Variants in CADPS2 observed in about 807,000 individuals in gnomAD.
CADPS2 encodes calcium dependent secretion activator 2.
CADPS2 carries 93 observed loss-of-function variants against 172.5 expected under a neutral mutation model. The ratio of observed to expected loss-of-function variants is 0.54; its 90% CI spans 0.46 to 0.64. The LOEUF (loss-of-function observed/expected upper bound fraction) is 0.64. Among genes scored for constraint, CADPS2 ranks in the 30% least tolerant of loss-of-function variants. The probability of loss-of-function intolerance (pLI) is 0.00; values close to 1 mark genes in which losing one functional copy is unlikely to be tolerated. For missense variants in CADPS2, 1,420 were observed against 1,565.9 expected, an observed-to-expected ratio of 0.91 and a Z score of 1.57; for synonymous variants, 546 against 555.2, an observed-to-expected ratio of 0.98 and a Z score of 0.23.
intron 28 of CADPS2, among the ~76,000 whole-genome samples, chr7:122,338,195 G>A (rs775492118): frequency 1.3e-5 from 2 of 152,110 alleles, no homozygotes; most frequent in Non-Finnish European, 2.9e-5. Context: ...TCAGGAGCTC[G>A]AGACCACCCT....
intron 19 of CADPS2, among the ~76,000 whole-genome samples, chr7:122,409,306 T>G (rs557144785): frequency 1.3e-5 from 2 of 152,340 alleles, no homozygotes; most frequent in Non-Finnish European, 2.9e-5. Flanking sequence ...AAAATCTCAC[T>G]TCCAGTTCAC....
chr7:122,850,234 G>GC, intron 1 of CADPS2: 1 of 1,041,092 alleles, frequency 9.6e-7, no homozygotes, highest in Non-Finnish European at 1.3e-6. Flanking sequence ...GGACCCAGAG[G>GC]CCCCCTGACC....
Position 122,333,046 on chromosome 7 carries a change from T to C in CADPS2, c.3613-7465A>G, listed in dbSNP as rs567745101. On this transcript the variant is annotated intron_variant, in intron 28 of 29. Coordinates refer to ENST00000449022, the MANE Select transcript of CADPS2 (RefSeq NM_017954.11). Reference sequence around the variant, plus strand: ...ATGCATACTGGTTTGCCTAATCTTTTGAGTGAAGTCACCAGTTAATGGTTT... The same window carrying C: ...ATGCATACTGGTTTGCCTAATCTTTCGAGTGAAGTCACCAGTTAATGGTTT... Among the ~76,000 whole-genome samples, 51 of 152,286 alleles carry C rather than the reference T, an allele frequency of 3.3e-4. No individual in the cohort carries two copies. The South Asian group carries it at 0.011, about 32-fold the overall frequency.
intron 1 of CADPS2, among the ~76,000 whole-genome samples, chr7:122,807,201 T>C (rs1397673159): frequency 6.6e-6 from 1 of 152,190 alleles, no homozygotes; most frequent in African/African-American, 2.4e-5. Context: ...GGTAAGTTCA[T>C]AGCCAGCCCA....
At chr7:122,615,627 T>A (rs1476841932) in intron 5 of CADPS2, among the ~76,000 whole-genome samples, 3 of 152,098 alleles carry the variant, frequency 2.0e-5, no homozygotes, top group Non-Finnish European at 4.4e-5. Context: ...AGTCTGCACA[T>A]TAAGCAGAAT....
At chr7:122,370,896 C>G (rs562300107) in intron 25 of CADPS2, among the ~76,000 whole-genome samples, 1 of 152,024 alleles carries the variant, frequency 6.6e-6, no homozygotes, top group Non-Finnish European at 1.5e-5. Flanking sequence ...GTAGGTGATG[C>G]TAAAAAGTTT....
chr7:122,655,007 T>G (rs569414215), intron 3 of CADPS2, among the ~76,000 whole-genome samples: 61 of 152,328 alleles, frequency 4.0e-4, no homozygotes, highest in African/African-American at 1.4e-3. Flanking sequence ...ACTGGAGATG[T>G]TCTAGAAATA....
In CADPS2 at chr7:122,868,578, G is replaced by A. The variant is rs547540036; in HGVS notation, c.339+17421C>T. The stretch of plus-strand genomic sequence containing the variant: ...GCTTAGAATATAGAATCCCTGATTG[G>A]AAAGAAAGATCTTTTACGCAAGACC... On this transcript the variant is annotated intron_variant, in intron 1 of 29. Coordinates refer to ENST00000449022, the MANE Select transcript of CADPS2 (RefSeq NM_017954.11). Among the ~76,000 whole-genome samples the A allele has an allele frequency of 6.6e-5, 10 of 152,276 alleles. No individual in the cohort carries two copies. The East Asian group carries it at 1.5e-3, about 24-fold the overall frequency.
intron 2 of CADPS2, among the ~76,000 whole-genome samples, chr7:122,704,614 T>C (rs2086693817): frequency 6.6e-6 from 1 of 152,122 alleles, no homozygotes; most frequent in African/African-American, 2.4e-5. Context: ...GTTCTCTGTA[T>C]GGTTGAAAGG....
At chr7:122,804,559 T>C (rs1197800962) in intron 1 of CADPS2, among the ~76,000 whole-genome samples, 2 of 152,200 alleles carry the variant, frequency 1.3e-5, no homozygotes. Flanking sequence ...ATGTCAAGAA[T>C]GTTGGTAGAA....
chr7:122,422,505 C>T (rs2048644823), intron 17 of CADPS2, among the ~76,000 whole-genome samples: 1 of 152,074 alleles, frequency 6.6e-6, no homozygotes, highest in Non-Finnish European at 1.5e-5. Context: ...TAGCTGTTCC[C>T]CCTGCAGAAA....
intron 3 of CADPS2, among the ~76,000 whole-genome samples, chr7:122,639,012 C>T (rs543186346): frequency 9.9e-5 from 15 of 152,240 alleles, no homozygotes; most frequent in Admixed American, 5.9e-4. Context: ...CTTCATAAAG[C>T]GAAATTTTCA....
At chr7:122,613,143 C>T (rs762985675) in intron 6 of CADPS2, among the ~76,000 whole-genome samples, 7 of 151,740 alleles carry the variant, frequency 4.6e-5, no homozygotes, top group African/African-American at 7.3e-5. Context: ...GAATTCTTAG[C>T]GGTGACAACA....
chr7:122,721,974 G>A (rs189190634), intron 2 of CADPS2, among the ~76,000 whole-genome samples: 15 of 152,060 alleles, frequency 9.9e-5, no homozygotes, highest in South Asian at 4.1e-4. Context: ...AGAAAAGGCC[G>A]TTAACAAAAT....
intron 3 of CADPS2, among the ~76,000 whole-genome samples, chr7:122,656,830 A>G (rs2079855666): frequency 6.6e-6 from 1 of 152,196 alleles, no homozygotes; most frequent in Admixed American, 6.5e-5. Context: ...CCATTTGTCA[A>G]TTTTGGCTTT....
rs543128667 is a variant in CADPS2, at chr7:122,500,443, T to A, written c.1543-9023A>T. ...AAAACTAACAGTTTAACAGCACACA[T>A]AACTCAACTTGTACTCTTAAATGTA... On this transcript the variant is annotated intron_variant, in intron 9 of 29. Coordinates refer to ENST00000449022, the MANE Select transcript of CADPS2 (RefSeq NM_017954.11). Among the ~76,000 whole-genome samples the A allele has an allele frequency of 4.6e-5, 7 of 152,298 alleles. No homozygotes were observed. In the East Asian group the frequency reaches 7.7e-4, roughly 17 times the overall value.
chr7:122,431,504 T>G (rs1246386293), intron 17 of CADPS2, among the ~76,000 whole-genome samples: 1 of 151,888 alleles, frequency 6.6e-6, no homozygotes, highest in East Asian at 1.9e-4. Context: ...TGGGGAAAAA[T>G]AAACAAAAAG....
chr7:122,490,445 G>C (rs1156384078), intron 10 of CADPS2, among the ~76,000 whole-genome samples, 164 bp from the exon 11 acceptor site: 1 of 151,872 alleles, frequency 6.6e-6, no homozygotes, highest in Non-Finnish European at 1.5e-5. Context: ...AAGATTTGAA[G>C]AAAAACAATA....
chr7:122,518,405 A>G (rs537000549), intron 8 of CADPS2, among the ~76,000 whole-genome samples: 86 of 152,290 alleles, frequency 5.6e-4, no homozygotes, highest in African/African-American at 1.8e-3. Flanking sequence ...GCATTAATTT[A>G]ACAGATCTTC....
Sources: gnomAD v4.1 joint callset for allele counts (sites outside exome capture counted in the v4.1 genomes callset) on GRCh38, gnomAD v4.1.1 for gene constraint, MANE v1.5 for transcripts, NCBI Gene and HGNC (gene_info 2026-07-23, HGNC 2026-07-21) for gene names.